The following CFAP61 variants were observed in gnomAD, a reference collection of about 807,000 sequenced individuals.
CFAP61 encodes the protein cilia and flagella associated protein 61.
A neutral mutation model predicts 135.6 loss-of-function variants in CFAP61; 107 were observed. The observed-to-expected ratio is 0.79, with a 90% CI of 0.67 to 0.93. The LOEUF is 0.93. Among genes scored for constraint, CFAP61 ranks in the 40% least tolerant of loss-of-function variants. The pLI, the probability that CFAP61 is intolerant of heterozygous loss-of-function variation, is 0.00. For synonymous variants in CFAP61, 575 were observed against 578.5 expected, an observed-to-expected ratio of 0.99 and a Z score of 0.09; for missense variants, 1,507 against 1,556.2, an observed-to-expected ratio of 0.97 and a Z score of 0.53.
intron 7 of CFAP61, among the ~76,000 whole-genome samples, chr20:20,092,194 A>G (rs905435339): frequency 6.6e-6 from 1 of 152,234 alleles, no homozygotes; most frequent in East Asian, 1.9e-4. Context: ...GTTATTTTGT[A>G]GAATGTCTCC....
intron 9 of CFAP61, among the ~76,000 whole-genome samples, chr20:20,156,507 C>G (rs946784119): frequency 2.0e-5 from 3 of 151,944 alleles, no homozygotes; most frequent in Non-Finnish European, 4.4e-5. Context: ...CACTTCTAAT[C>G]AAAACTGTAC....
chr20:20,163,985 C>A, intron 10 of CFAP61, 65 bp from the exon 11 acceptor site: 1 of 1,354,134 alleles, frequency 7.4e-7, no homozygotes, highest in Non-Finnish European at 1.0e-6. Flanking sequence ...AATGCAGCCA[C>A]CAGCCCACTA....
intron 17 of CFAP61, among the ~76,000 whole-genome samples, chr20:20,217,700 G>C (rs1263021512): frequency 6.6e-6 from 1 of 152,232 alleles, no homozygotes; most frequent in Admixed American, 6.5e-5. Context: ...ATCTTATTCT[G>C]TGTGCAGAGA....
chr20:20,191,865 A>G (rs2055945759), intron 15 of CFAP61, among the ~76,000 whole-genome samples: 1 of 152,038 alleles, frequency 6.6e-6, no homozygotes, highest in Non-Finnish European at 1.5e-5. Context: ...AGCATTTATT[A>G]CTGAATAATC....
intron 25 of CFAP61, among the ~76,000 whole-genome samples, chr20:20,322,146 A>C (rs1413205542): frequency 1.1e-4 from 16 of 152,138 alleles, no homozygotes; most frequent in Non-Finnish European, 1.5e-5. Context: ...AAGCTTCCAG[A>C]TGGTTTCAGC....
chr20:20,084,914 G>A (rs915845358), intron 6 of CFAP61, among the ~76,000 whole-genome samples: 1 of 152,198 alleles, frequency 6.6e-6, no homozygotes, highest in African/African-American at 2.4e-5. Flanking sequence ...AAATCTGGGT[G>A]TCTGAGAGAT....
At chr20:20,218,929 G>A (rs189472711) in intron 17 of CFAP61, among the ~76,000 whole-genome samples, 11 of 152,284 alleles carry the variant, frequency 7.2e-5, no homozygotes, top group Admixed American at 3.9e-4. Flanking sequence ...TGTCCTTGTT[G>A]CTAGTGTTAA....
chr20:20,067,111 T>C (rs188875466), intron 2 of CFAP61, among the ~76,000 whole-genome samples: 1 of 149,244 alleles, frequency 6.7e-6, no homozygotes, highest in Admixed American at 6.7e-5. Context: ...AAAAAGAAAA[T>C]AAGTTTTGGC....
intron 19 of CFAP61, among the ~76,000 whole-genome samples, chr20:20,248,695 TC>T (rs1313134727): frequency 6.6e-6 from 1 of 152,220 alleles, no homozygotes; most frequent in East Asian, 1.9e-4. Context: ...TAAGGTTCTT[TC>T]CAGCTCGGAA....
intron 25 of CFAP61, among the ~76,000 whole-genome samples, chr20:20,302,427 C>T (rs768077354): frequency 1.4e-4 from 22 of 152,166 alleles, no homozygotes; most frequent in Non-Finnish European, 2.5e-4. Context: ...TTTGGGAGGC[C>T]GAGGCGGGCA....
chr20:20,074,812 T>G (rs1242500841), intron 4 of CFAP61, among the ~76,000 whole-genome samples: 1 of 152,190 alleles, frequency 6.6e-6, no homozygotes, highest in Non-Finnish European at 1.5e-5. Flanking sequence ...TCTGACAGCC[T>G]CTGACAGCCT....
chr20:20,226,394 T>A (rs76643814), intron 17 of CFAP61, among the ~76,000 whole-genome samples: 1 of 152,328 alleles, frequency 6.6e-6, no homozygotes, highest in East Asian at 1.9e-4. Flanking sequence ...CCCACCTGAG[T>A]CCAACCTAGA....
chr20:20,228,423 A>G (rs758164245), intron 18 of CFAP61, 47 bp downstream of exon 18: 3 of 1,516,346 alleles, frequency 2.0e-6, no homozygotes, highest in East Asian at 2.3e-5. Context: ...AATAATAAAA[A>G]TTATCTTCCT....
chr20:20,210,022 T>G (rs2047521170), intron 17 of CFAP61, among the ~76,000 whole-genome samples: 1 of 152,188 alleles, frequency 6.6e-6, no homozygotes, highest in Admixed American at 6.5e-5. Context: ...TGGAGCTACG[T>G]GCTCTCTTCC....
At chr20:20,285,846 G>A (rs533193435) in intron 22 of CFAP61, among the ~76,000 whole-genome samples, 3 of 151,266 alleles carry the variant, frequency 2.0e-5, no homozygotes, top group Non-Finnish European at 4.4e-5. Flanking sequence ...CCTTGAACCC[G>A]GGAGGTCAAG....
Position 20,277,232 on chromosome 20 carries a change from G to A in CFAP61, c.2570G>A (p.Gly857Asp). ...YTTVETLLNL[G>D]VSGSRIHLVQ... The stretch of plus-strand genomic sequence containing the variant: ...ACCGTGGAGACGCTCTTAAACCTTG[G>A]CGTGAGCGGCAGCCGCATCCACCTC... Residue 857 changes from glycine (G) to aspartate (D), a missense_variant, in exon 22 of 27, where the codon GGC (glycine) becomes GAC (aspartate). Coordinates refer to ENST00000245957, the MANE Select transcript of CFAP61 (RefSeq NM_015585.4). 2 of 1,613,810 alleles carry A rather than the reference G, an allele frequency of 1.2e-6. No homozygotes were observed. Among genetic ancestry groups the A allele is most frequent in the African/African-American group, 1.3e-5 (1 of 75,028 alleles).
At chr20:20,327,270 G>A (rs6046797) in intron 25 of CFAP61, among the ~76,000 whole-genome samples, 72,662 of 151,814 alleles carry the variant, frequency 0.48, 17,528 homozygotes, top group East Asian at 0.54. Context: ...TGAATTGCCT[G>A]GAATTACATG....
At chr20:20,313,294 T>G (rs2122205663) in intron 25 of CFAP61, among the ~76,000 whole-genome samples, 1 of 152,346 alleles carries the variant, frequency 6.6e-6, no homozygotes, top group Middle Eastern at 3.4e-3. Flanking sequence ...ATCACCTTGA[T>G]CTTGGACTTT....
chr20:20,108,852 T>A (rs769059963), intron 8 of CFAP61, among the ~76,000 whole-genome samples: 25 of 152,208 alleles, frequency 1.6e-4, no homozygotes, highest in Non-Finnish European at 2.9e-4. Flanking sequence ...AAACATCCAC[T>A]GATATCAGGA....
Sources: gnomAD v4.1 joint callset for allele counts (sites outside exome capture counted in the v4.1 genomes callset) on GRCh38, gnomAD v4.1.1 for gene constraint, MANE v1.5 for transcripts, NCBI Gene and HGNC (gene_info 2026-07-23, HGNC 2026-07-21) for gene names.